Variants in UNC5C observed in about 807,000 individuals in gnomAD.
The protein encoded by UNC5C is unc-5 netrin receptor C.
Under a neutral mutation model 99.8 loss-of-function variants are expected in UNC5C, and 47 were observed. The ratio of observed to expected loss-of-function variants is 0.47; its 90% CI spans 0.37 to 0.60. The LOEUF (loss-of-function observed/expected upper bound fraction) is 0.60, where lower values mean the gene tolerates loss of function less well. UNC5C is among the 20% of genes least tolerant of loss of function. The probability of loss-of-function intolerance (pLI) is 0.00; values close to 1 mark genes in which losing one functional copy is unlikely to be tolerated. For synonymous variants in UNC5C, 487 were observed against 452.2 expected, an observed-to-expected ratio of 1.08 and a Z score of -0.98; for missense variants, 1,062 against 1,165.9, an observed-to-expected ratio of 0.91 and a Z score of 1.30.
At chr4:95,347,703 G>A (rs376292186) in intron 1 of UNC5C, among the ~76,000 whole-genome samples, 16 of 151,860 alleles carry the variant, frequency 1.1e-4, no homozygotes, top group African/African-American at 1.7e-4. Context: ...CTGGGTATCC[G>A]TAGGCAGAAG....
At chr4:95,419,989 A>G (rs1746272495) in intron 1 of UNC5C, among the ~76,000 whole-genome samples, 1 of 152,150 alleles carries the variant, frequency 6.6e-6, no homozygotes, top group Non-Finnish European at 1.5e-5. Flanking sequence ...ATACTTCCAC[A>G]ATTTTGATGG....
At chr4:95,520,881 G>A (rs1722337046) in intron 1 of UNC5C, among the ~76,000 whole-genome samples, 2 of 152,018 alleles carry the variant, frequency 1.3e-5, no homozygotes, top group Non-Finnish European at 2.9e-5. Context: ...TTACAAGCGT[G>A]AGCCACCGCG....
intron 1 of UNC5C, among the ~76,000 whole-genome samples, chr4:95,496,306 G>A (rs1721629872): frequency 6.6e-6 from 1 of 151,760 alleles, no homozygotes; most frequent in Admixed American, 6.6e-5. Context: ...ACAAGTGAAT[G>A]ACCTAGATTG....
intron 1 of UNC5C, among the ~76,000 whole-genome samples, chr4:95,463,926 A>T (rs1293274074): frequency 6.6e-6 from 1 of 152,224 alleles, no homozygotes; most frequent in Non-Finnish European, 1.5e-5. Flanking sequence ...ACTATTATTA[A>T]GTCACCAGTA....
At position 95,335,410 on chromosome 4, in the gene UNC5C, C is replaced by T. The variant is rs368269934; in HGVS notation, c.346G>A (p.Gly116Ser). ...AATGCAAATGCAATGGAAAACTCAC[C>T]GGAAGTTTCATCTACTCTTTCATCT... ...IVDERVDETS[G>S]LIVREVSIEI... Residue 116 changes from glycine to serine, a missense_variant and splice_region_variant, in exon 2 of 16, where the codon GGT becomes AGT. Around this residue, in one of 3 missense-constraint regions of UNC5C, gnomAD observed 249 missense variants for 295.1 expected, o/e 0.84. Transcript: ENST00000453304. 4 of 1,609,926 alleles carry T rather than the reference C, an allele frequency of 2.5e-6. No homozygotes were observed. The highest frequency in any genetic ancestry group is 1.7e-5 in the Admixed American group (1 of 59,640).
chr4:95,313,991 G>C (rs1477434071), intron 2 of UNC5C, among the ~76,000 whole-genome samples: 1 of 152,152 alleles, frequency 6.6e-6, no homozygotes, highest in Non-Finnish European at 1.5e-5. Context: ...TGCATTGTGA[G>C]AAAAGGAACG....
chr4:95,229,587 T>C (rs1163984766), intron 7 of UNC5C, among the ~76,000 whole-genome samples: 1 of 152,154 alleles, frequency 6.6e-6, no homozygotes. Context: ...GCAATAAACA[T>C]ATGTGCGCAT....
chr4:95,344,037 A>G (rs1250944133), intron 1 of UNC5C, among the ~76,000 whole-genome samples: 3 of 152,220 alleles, frequency 2.0e-5, no homozygotes, highest in South Asian at 2.1e-4. Flanking sequence ...TCAAAGGGAT[A>G]ATAACAGAGA....
At chr4:95,419,507 T>C (rs548850262) in intron 1 of UNC5C, among the ~76,000 whole-genome samples, 2 of 152,258 alleles carry the variant, frequency 1.3e-5, no homozygotes, top group South Asian at 2.1e-4. Flanking sequence ...GAGATTGTGT[T>C]CCCTCCAACT....
In UNC5C at chr4:95,356,203, A is replaced by AC. The variant is rs1157816474; in HGVS notation, c.125-20573_125-20572insG. Among the ~76,000 whole-genome samples, 24 of 133,692 alleles carry AC rather than the reference A, an allele frequency of 1.8e-4. 1 individual carries two copies. The South Asian group carries it at 5.1e-3, about 29-fold the overall frequency. The allele number at this position is 133,692 out of a possible 152,430, so 87.7% of individuals were successfully genotyped here. On this transcript the variant is annotated intron_variant, in intron 1 of 15. Coordinates refer to ENST00000453304, the MANE Select transcript of UNC5C (RefSeq NM_003728.4). Reference sequence around the variant, plus strand: ...AGGAAGACCCTGTAGCAAAAAAAAAAAAAAAAAAACAAAACAAAAAAAAAA... The same window carrying AC: ...AGGAAGACCCTGTAGCAAAAAAAAAACAAAAAAAAACAAAACAAAAAAAAAA...
chr4:95,250,999 C>T (rs1432088963), intron 4 of UNC5C, among the ~76,000 whole-genome samples: 2 of 152,150 alleles, frequency 1.3e-5, no homozygotes, highest in African/African-American at 2.4e-5. Flanking sequence ...ATGTGTGCTG[C>T]CAAGTTCAGA....
At chr4:95,411,866 T>A (rs1746002672) in intron 1 of UNC5C, among the ~76,000 whole-genome samples, 1 of 152,174 alleles carries the variant, frequency 6.6e-6, no homozygotes, top group African/African-American at 2.4e-5. Context: ...CCACTGCTAC[T>A]GTCTTCGTTA....
At chr4:95,531,339 T>C (rs1335396846) in intron 1 of UNC5C, among the ~76,000 whole-genome samples, 2 of 152,332 alleles carry the variant, frequency 1.3e-5, no homozygotes, top group East Asian at 1.9e-4. Context: ...CTCTGCTTTA[T>C]GTCAAAGCAA....
intron 1 of UNC5C, among the ~76,000 whole-genome samples, chr4:95,454,329 A>G (rs1460389454): frequency 2.0e-5 from 3 of 152,110 alleles, no homozygotes; most frequent in Non-Finnish European, 2.9e-5. Flanking sequence ...AATTTTCTGC[A>G]TGGAGAATAT....
At chr4:95,412,663 C>A (rs915273480) in intron 1 of UNC5C, among the ~76,000 whole-genome samples, 7 of 152,164 alleles carry the variant, frequency 4.6e-5, no homozygotes, top group African/African-American at 1.7e-4. Context: ...GAAAATCTAC[C>A]ATTTACAATT....
At chr4:95,327,497 T>C (rs1742933704) in intron 2 of UNC5C, among the ~76,000 whole-genome samples, 1 of 152,088 alleles carries the variant, frequency 6.6e-6, no homozygotes, top group South Asian at 2.1e-4. Context: ...CCAGAAAAAT[T>C]CCAATGCACA....
chr4:95,392,168 G>A (rs116203394), intron 1 of UNC5C, among the ~76,000 whole-genome samples: 2,605 of 151,976 alleles, frequency 0.017, 86 homozygotes, highest in African/African-American at 0.059. Context: ...TTAAAAACTG[G>A]GTAAGTTTAA....
At chr4:95,457,320 G>A (rs949857686) in intron 1 of UNC5C, among the ~76,000 whole-genome samples, 19 of 151,928 alleles carry the variant, frequency 1.3e-4, no homozygotes, top group Admixed American at 2.6e-4. Flanking sequence ...GATTTGTCTA[G>A]GGTGTTTTAC....
At position 95,531,264 on chromosome 4, in the gene UNC5C, T is replaced by C. The variant is rs1351735643; in HGVS notation, c.124+17470A>G. ...TCTTTCCTAAAGTAATGTTTAAACA[T>C]CTCTCTGGCATTCCATTATGGGCAC... On this transcript the variant is annotated intron_variant, in intron 1 of 15. Coordinates refer to ENST00000453304, the MANE Select transcript of UNC5C (RefSeq NM_003728.4). Among the ~76,000 whole-genome samples the C allele has an allele frequency of 2.0e-5, 3 of 152,184 alleles. No individual in the cohort carries two copies. In the East Asian group the frequency reaches 5.8e-4, roughly 29 times the overall value.
Sources: gnomAD v4.1 joint callset for allele counts (sites outside exome capture counted in the v4.1 genomes callset) on GRCh38, gnomAD v4.1.1 for gene constraint, gnomAD v4.1.1 regional missense constraint, MANE v1.5 for transcripts, NCBI Gene and HGNC (gene_info 2026-07-23, HGNC 2026-07-21) for gene names.